Variants in SERPINB5 observed in about 807,000 individuals in gnomAD.
SERPINB5 encodes serpin B5.
Under a neutral mutation model 32.2 loss-of-function variants are expected in SERPINB5, and 27 were observed. The ratio of observed to expected loss-of-function variants is 0.84; its 90% CI spans 0.62 to 1.16. The LOEUF (loss-of-function observed/expected upper bound fraction) is 1.16. Among genes scored for constraint, SERPINB5 ranks in the 50% most tolerant of loss-of-function variants. The pLI is 0.00. For synonymous variants in SERPINB5, 154 were observed against 157.4 expected, an observed-to-expected ratio of 0.98 and a Z score of 0.16; for missense variants, 388 against 436.3, an observed-to-expected ratio of 0.89 and a Z score of 0.99.
intron 6 of SERPINB5, among the ~76,000 whole-genome samples, chr18:63,503,036 A>AAAC (rs1171242911): frequency 2.0e-5 from 3 of 152,084 alleles, no homozygotes; most frequent in African/African-American, 7.2e-5. Context: ...AAACCCAAAC[A>AAAC]AACAAACAAA....
chr18:63,496,359 A>G (rs919457182), intron 5 of SERPINB5, among the ~76,000 whole-genome samples: 2 of 152,206 alleles, frequency 1.3e-5, no homozygotes, highest in African/African-American at 2.4e-5. Context: ...CCAAAGTAGT[A>G]TGTTTTCCTA....
rs190142640 is a variant in SERPINB5, at chr18:63,497,071, C to T, written c.568-2049C>T. 426 of 581,898 alleles carry T rather than the reference C, an allele frequency of 7.3e-4. 2 individuals are homozygous for T. Among genetic ancestry groups the T allele is most frequent in the African/African-American group, 7.2e-3 (392 of 54,102 alleles). 36.0% of individuals were successfully genotyped at this position (581,898 alleles called of 1,614,324 possible). A position where few individuals can be genotyped will look rare whatever the true frequency, so the allele number is the denominator to read the frequency against. On this transcript the variant is annotated intron_variant, in intron 5 of 6. Transcript: ENST00000382771. The stretch of plus-strand genomic sequence containing the variant: ...GGTCTAATCCGGCCTGTGTCTGCCT[C>T]CTTCTTGAATAGCCCAGAGCATTCA...
chr18:63,487,436 T>C (rs553263719), intron 3 of SERPINB5, among the ~76,000 whole-genome samples: 2 of 152,336 alleles, frequency 1.3e-5, no homozygotes, highest in African/African-American at 4.8e-5. Flanking sequence ...AGACAGCTAA[T>C]GATTTAAACT....
chr18:63,489,512 C>T (rs767471674), intron 4 of SERPINB5, 48 bp downstream of exon 4: 1 of 1,004,648 alleles, frequency 1.0e-6, no homozygotes, highest in Non-Finnish European at 1.5e-6. Flanking sequence ...GTAAACAGGG[C>T]CTTCCATCTC....
intron 3 of SERPINB5, 141 bp from the exon 4 acceptor site, chr18:63,489,206 T>C (rs912634174): frequency 6.5e-6 from 3 of 459,702 alleles, no homozygotes; most frequent in Non-Finnish European, 7.8e-6. Context: ...GACTTCTACA[T>C]GAGGTTTCAA....
At chr18:63,490,002 C>T (rs1917276378) in intron 4 of SERPINB5, among the ~76,000 whole-genome samples, 1 of 152,194 alleles carries the variant, frequency 6.6e-6, no homozygotes, top group South Asian at 2.1e-4. Flanking sequence ...ACCATCCTGG[C>T]TAACACGGTG....
chr18:63,487,379 T>C (rs1033225666), intron 3 of SERPINB5, among the ~76,000 whole-genome samples: 3 of 152,270 alleles, frequency 2.0e-5, no homozygotes, highest in African/African-American at 7.2e-5. Flanking sequence ...TAATTAACTC[T>C]CTAATAAATG....
At chr18:63,496,339 C>G (rs1184281639) in intron 5 of SERPINB5, among the ~76,000 whole-genome samples, 3 of 152,170 alleles carry the variant, frequency 2.0e-5, no homozygotes, top group Non-Finnish European at 4.4e-5. Flanking sequence ...GAAGAATTAT[C>G]TGTTAACCTC....
chr18:63,494,318 T>C, intron 5 of SERPINB5, among the ~76,000 whole-genome samples: 1 of 77,836 alleles, frequency 1.3e-5, no homozygotes, highest in African/African-American at 5.2e-5. Context: ...TGAGACTCCA[T>C]CTCAAAAAAA....
At position 63,489,525 on chromosome 18, in the gene SERPINB5, A is replaced by C. The variant is rs560448071; in HGVS notation, c.424+61A>C. ...AAGTAAACAGGGCCTTCCATCTCAT[A>C]AATGTTTGCTCCAAGGATAAAAAAA... On this transcript the variant is annotated intron_variant, in intron 4 of 6. Coordinates refer to ENST00000382771, the MANE Select transcript of SERPINB5 (RefSeq NM_002639.5). 8 of 900,160 alleles carry C rather than the reference A, an allele frequency of 8.9e-6. No individual in the cohort carries two copies. In the South Asian group the frequency reaches 1.1e-4, roughly 12 times the overall value. The allele number at this position is 900,160 out of a possible 1,614,324, so 55.8% of individuals were successfully genotyped here. A position where few individuals can be genotyped will look rare whatever the true frequency, so the allele number is the denominator to read the frequency against.
chr18:63,493,816 A>G (rs1909391062), intron 5 of SERPINB5: 1 of 153,938 alleles, frequency 6.5e-6, no homozygotes, highest in Non-Finnish European at 1.4e-5. Context: ...AGACTGCACC[A>G]CTGCACTCCA....
chr18:63,494,954 C>T (rs1374890387), intron 5 of SERPINB5, among the ~76,000 whole-genome samples: 1 of 152,190 alleles, frequency 6.6e-6, no homozygotes, highest in Non-Finnish European at 1.5e-5. Context: ...TTTGCTTAAA[C>T]AATCAATAGC....
At chr18:63,499,323 C>T (rs1909523596) in intron 6 of SERPINB5, 36 bp downstream of exon 6, 1 of 1,441,150 alleles carries the variant, frequency 6.9e-7, no homozygotes, top group Non-Finnish European at 9.2e-7. Flanking sequence ...CAAAGGCACC[C>T]CCTGCCTTGG....
At chr18:63,497,260 G>T in intron 5 of SERPINB5, 1 of 977,038 alleles carries the variant, frequency 1.0e-6, no homozygotes, top group African/African-American at 1.6e-5. Flanking sequence ...AATAGCGTTT[G>T]GCAGCTTGAT....
chr18:63,497,110 C>T, intron 5 of SERPINB5: 2 of 612,940 alleles, frequency 3.3e-6, no homozygotes, highest in South Asian at 2.7e-5. Context: ...AAACAGCCTT[C>T]CTACAGCAGC....
chr18:63,495,684 A>T (rs1211721507), intron 5 of SERPINB5, among the ~76,000 whole-genome samples: 1 of 152,242 alleles, frequency 6.6e-6, no homozygotes, highest in African/African-American at 2.4e-5. Flanking sequence ...GGGAGGAAGA[A>T]TGTGTGCTAT....
chr18:63,482,262 T>C (rs1175811202), intron 1 of SERPINB5, among the ~76,000 whole-genome samples: 1 of 152,204 alleles, frequency 6.6e-6, no homozygotes, highest in African/African-American at 2.4e-5. Flanking sequence ...AGGTGCAAAT[T>C]GCAATCCTAT....
intron 2 of SERPINB5, chr18:63,486,011 A>G (rs1917207527): frequency 6.6e-6 from 1 of 152,208 alleles, no homozygotes; most frequent in Non-Finnish European, 1.5e-5. Context: ...AACAATAAAA[A>G]AAAAAAAGGA....
At position 63,501,167 on chromosome 18, in the gene SERPINB5, A is replaced by G. The variant is rs188606272; in HGVS notation, c.735+1880A>G. 2.1e-3 allele frequency among the ~76,000 whole-genome samples: 317 copies of G among 149,610 alleles called. 3 individuals carry two copies. Among genetic ancestry groups the G allele is most frequent in the Admixed American group, 0.02 (295 of 15,014 alleles). On this transcript the variant is annotated intron_variant, in intron 6 of 6. Transcript: ENST00000382771. ...CATTAAGTTGTCATTTATATTAGGT[A>G]TATCTCCCAATGCTATCCCTCCCCC... is the stretch of plus-strand genomic sequence containing the variant.
Sources: gnomAD v4.1 joint callset for allele counts (sites outside exome capture counted in the v4.1 genomes callset) on GRCh38, gnomAD v4.1.1 for gene constraint, MANE v1.5 for transcripts, NCBI Gene and HGNC (gene_info 2026-07-23, HGNC 2026-07-21) for gene names.